The following DYNC1I1 variants were observed in gnomAD, a reference collection of about 807,000 sequenced individuals.
DYNC1I1 encodes the protein cytoplasmic dynein 1 intermediate chain 1.
DYNC1I1 carries 43 observed loss-of-function variants against 86.6 expected under a neutral mutation model. The observed-to-expected ratio is 0.50, with a 90% CI of 0.39 to 0.64. The LOEUF is 0.64. DYNC1I1 is among the 30% of genes least tolerant of loss of function. The probability of loss-of-function intolerance (pLI) is 0.00; values close to 1 mark genes in which losing one functional copy is unlikely to be tolerated. For missense variants in DYNC1I1, 604 were observed against 788.8 expected (o/e 0.77, Z 2.81); for synonymous variants, 262 against 283.7 (o/e 0.92, Z 0.77).
At chr7:95,817,614 T>C (rs2115866462) in intron 4 of DYNC1I1, among the ~76,000 whole-genome samples, 1 of 152,342 alleles carries the variant, frequency 6.6e-6, no homozygotes, top group African/African-American at 2.4e-5. Context: ...TCATAGAACA[T>C]GTTGGTGTCA....
At chr7:95,832,072 C>T (rs1198698321) in intron 5 of DYNC1I1, among the ~76,000 whole-genome samples, 1 of 148,856 alleles carries the variant, frequency 6.7e-6, no homozygotes, top group Non-Finnish European at 1.5e-5. Flanking sequence ...CACCCACTAA[C>T]TCGTCATATA....
chr7:95,846,939 G>T (rs1334023921), intron 5 of DYNC1I1, among the ~76,000 whole-genome samples: 1 of 151,986 alleles, frequency 6.6e-6, no homozygotes, highest in Non-Finnish European at 1.5e-5. Context: ...CCATTGGGTG[G>T]CTCCCAGGTC....
At chr7:96,105,017 T>C (rs1404691339) in intron 16 of DYNC1I1, among the ~76,000 whole-genome samples, 1 of 150,904 alleles carries the variant, frequency 6.6e-6, no homozygotes, top group Non-Finnish European at 1.5e-5. Flanking sequence ...TTTAATAGAG[T>C]TCACCAATAG....
intron 2 of DYNC1I1, among the ~76,000 whole-genome samples, chr7:95,810,049 A>C (rs752033576): frequency 4.0e-4 from 61 of 152,298 alleles, no homozygotes; most frequent in Non-Finnish European, 7.4e-4. Flanking sequence ...GATATCCCAG[A>C]AGGGACAAGG....
chr7:96,087,258 A>G (rs42068), intron 16 of DYNC1I1, among the ~76,000 whole-genome samples: 62,259 of 152,148 alleles, frequency 0.41, 13,565 homozygotes, highest in Middle Eastern at 0.49. Flanking sequence ...AGTTAAACTT[A>G]GATTTGGGAG....
At chr7:95,998,646 A>G (rs1404300747) in intron 10 of DYNC1I1, among the ~76,000 whole-genome samples, 1 of 152,230 alleles carries the variant, frequency 6.6e-6, no homozygotes. Context: ...TAGACAATTC[A>G]TTACTTAGAA....
At chr7:95,818,394 C>G in intron 4 of DYNC1I1, 1 of 503,238 alleles carries the variant, frequency 2.0e-6, no homozygotes, top group Non-Finnish European at 3.6e-6. Flanking sequence ...CTCGAATTCC[C>G]GGGATCAAGC....
chr7:96,060,032 T>A (rs1318427556), intron 14 of DYNC1I1, among the ~76,000 whole-genome samples: 3 of 152,118 alleles, frequency 2.0e-5, no homozygotes, highest in African/African-American at 4.8e-5. Flanking sequence ...CCCCCAAAGT[T>A]TACAAATCAA....
intron 6 of DYNC1I1, among the ~76,000 whole-genome samples, chr7:95,924,209 C>T (rs1297018839): frequency 6.6e-6 from 1 of 152,114 alleles, no homozygotes; most frequent in Non-Finnish European, 1.5e-5. Flanking sequence ...TGTTTTGTAT[C>T]TCAAATTGTC....
intron 16 of DYNC1I1, among the ~76,000 whole-genome samples, chr7:96,107,891 G>A (rs1229987074): frequency 2.6e-5 from 1 of 38,736 alleles, no homozygotes; most frequent in African/African-American, 8.1e-5. Context: ...TTTTTTTTTT[G>A]GAGTACTTTG....
intron 1 of DYNC1I1, chr7:95,802,897 A>G (rs1399095391): frequency 6.6e-6 from 1 of 152,176 alleles, no homozygotes; most frequent in Non-Finnish European, 1.5e-5. Flanking sequence ...AGGTCTTCAC[A>G]CATCCAAATA....
chr7:95,793,891 T>C (rs1794371866), intron 1 of DYNC1I1, among the ~76,000 whole-genome samples: 1 of 152,240 alleles, frequency 6.6e-6, no homozygotes, highest in Non-Finnish European at 1.5e-5. Flanking sequence ...TGTGATGCTC[T>C]ATGGAGGATC....
chr7:95,947,575 A>C (rs1427203506), intron 6 of DYNC1I1, among the ~76,000 whole-genome samples: 1 of 152,108 alleles, frequency 6.6e-6, no homozygotes, highest in Non-Finnish European at 1.5e-5. Context: ...GCTCAGGACC[A>C]GCTCTCCTCC....
intron 5 of DYNC1I1, among the ~76,000 whole-genome samples, chr7:95,838,822 A>G (rs1193481598): frequency 6.6e-6 from 1 of 151,932 alleles, no homozygotes; most frequent in Non-Finnish European, 1.5e-5. Context: ...TCTTTTTCAG[A>G]TAGTTCATTG....
chr7:96,019,346 C>CTTTT (rs1794483646), intron 10 of DYNC1I1, among the ~76,000 whole-genome samples: 1 of 151,456 alleles, frequency 6.6e-6, no homozygotes, highest in African/African-American at 2.4e-5. Context: ...CTCTGGTAAC[C>CTTTT]AATGTGGGTT....
At chr7:96,081,067 C>CAAAAAAAA (rs1278485393) in intron 16 of DYNC1I1, among the ~76,000 whole-genome samples, 5 of 61,622 alleles carry the variant, frequency 8.1e-5, no homozygotes, top group African/African-American at 4.7e-4. Context: ...GACTCCATCT[C>CAAAAAAAA]AAAAAAAAAA....
chr7:95,880,073 A>G (rs1186826202), intron 6 of DYNC1I1, among the ~76,000 whole-genome samples: 1 of 152,176 alleles, frequency 6.6e-6, no homozygotes, highest in Admixed American at 6.5e-5. Flanking sequence ...CCTATTCCTT[A>G]TTACTAGTAA....
intron 1 of DYNC1I1, among the ~76,000 whole-genome samples, chr7:95,781,581 T>G (rs2115653599): frequency 6.6e-6 from 1 of 152,284 alleles, no homozygotes; most frequent in South Asian, 2.1e-4. Flanking sequence ...TGGGCAAAAG[T>G]TCATTTTTGA....
intron 6 of DYNC1I1, among the ~76,000 whole-genome samples, chr7:95,882,649 A>G (rs989221878): frequency 6.6e-6 from 1 of 152,148 alleles, no homozygotes; most frequent in African/African-American, 2.4e-5. Context: ...ATTCATGTTC[A>G]TCTGGGACCA....
Sources: allele counts gnomAD v4.1 joint callset (sites outside exome capture counted in the v4.1 genomes callset), GRCh38; gene constraint gnomAD v4.1.1; transcripts MANE v1.5; gene names NCBI Gene and HGNC (gene_info 2026-07-23, HGNC 2026-07-21).